The following DLG2 variants were observed in gnomAD, a reference collection of about 807,000 sequenced individuals.
The protein encoded by DLG2 is disks large homolog 2.
DLG2 carries 45 observed loss-of-function variants against 132.5 expected under a neutral mutation model. The observed-to-expected ratio is 0.34, with a 90% CI of 0.27 to 0.44. The LOEUF (loss-of-function observed/expected upper bound fraction) is 0.44. DLG2 is among the 20% of genes least tolerant of loss of function. The pLI is 1.00. For synonymous variants in DLG2, 424 were observed against 419.6 expected, an observed-to-expected ratio of 1.01 and a Z score of -0.13; for missense variants, 1,045 against 1,196.9, an observed-to-expected ratio of 0.87 and a Z score of 1.87.
At chr11:84,456,688 G>T (rs1480404669) in intron 7 of DLG2, among the ~76,000 whole-genome samples, 1 of 151,192 alleles carries the variant, frequency 6.6e-6, no homozygotes, top group Non-Finnish European at 1.5e-5. Flanking sequence ...TGTTCCTTTG[G>T]ATGTGCTCTT....
At chr11:84,373,641 A>C (rs1241774356) in intron 7 of DLG2, among the ~76,000 whole-genome samples, 1 of 152,104 alleles carries the variant, frequency 6.6e-6, no homozygotes, top group Non-Finnish European at 1.5e-5. Context: ...TGACTAGTGA[A>C]GGAGGAAACT....
At chr11:84,946,658 T>C (rs997694632) in intron 6 of DLG2, among the ~76,000 whole-genome samples, 1 of 152,056 alleles carries the variant, frequency 6.6e-6, no homozygotes, top group African/African-American at 2.4e-5. Flanking sequence ...TATAGAGCTG[T>C]TTGCTTATGC....
At chr11:84,739,354 A>T (rs2064284158) in intron 6 of DLG2, among the ~76,000 whole-genome samples, 1 of 152,078 alleles carries the variant, frequency 6.6e-6, no homozygotes, top group Non-Finnish European at 1.5e-5. Flanking sequence ...ATTTTTTCCT[A>T]AACAAGTGTT....
intron 6 of DLG2, among the ~76,000 whole-genome samples, chr11:85,082,300 A>G (rs1371246269): frequency 1.3e-5 from 2 of 152,148 alleles, no homozygotes; most frequent in Non-Finnish European, 2.9e-5. Context: ...GGCAATAACA[A>G]CAGACTTAGA....
At chr11:84,097,738 G>T (rs776114490) in intron 10 of DLG2, among the ~76,000 whole-genome samples, 3 of 152,006 alleles carry the variant, frequency 2.0e-5, no homozygotes, top group Non-Finnish European at 2.9e-5. Flanking sequence ...TATTGAGCCA[G>T]TTATACATAT....
At chr11:83,913,893 G>A (rs2076483143) in intron 15 of DLG2, among the ~76,000 whole-genome samples, 1 of 152,156 alleles carries the variant, frequency 6.6e-6, no homozygotes, top group Non-Finnish European at 1.5e-5. Context: ...TGCTCCACAT[G>A]GGCTACAGTG....
intron 16 of DLG2, among the ~76,000 whole-genome samples, chr11:83,847,605 C>G (rs2058864922): frequency 1.3e-5 from 2 of 152,116 alleles, no homozygotes; most frequent in Non-Finnish European, 2.9e-5. Flanking sequence ...GCCTGAGTGT[C>G]CTTGAAAACA....
At chr11:84,509,462 C>T (rs1297208128) in intron 7 of DLG2, among the ~76,000 whole-genome samples, 2 of 152,100 alleles carry the variant, frequency 1.3e-5, no homozygotes, top group Non-Finnish European at 2.9e-5. Context: ...GAATGTTCAG[C>T]TGAAGCAATT....
intron 6 of DLG2, among the ~76,000 whole-genome samples, chr11:85,104,625 A>G (rs1300524265): frequency 6.6e-6 from 1 of 151,862 alleles, no homozygotes; most frequent in Non-Finnish European, 1.5e-5. Context: ...AAATGTCCCA[A>G]AATTGATTGG....
At chr11:84,502,166 C>CTT (rs1555630683) in intron 7 of DLG2, among the ~76,000 whole-genome samples, 1 of 50,446 alleles carries the variant, frequency 2.0e-5, no homozygotes. Context: ...TCCTTTCTCT[C>CTT]TCTCTCTCTT....
chr11:84,382,819 C>T (rs181634623), intron 7 of DLG2, among the ~76,000 whole-genome samples: 94 of 151,708 alleles, frequency 6.2e-4, no homozygotes, highest in Middle Eastern at 3.4e-3. Flanking sequence ...TAATTGATAC[C>T]ATATTAGTTG....
intron 9 of DLG2, among the ~76,000 whole-genome samples, chr11:84,128,245 C>T (rs2154213190): frequency 6.6e-6 from 1 of 152,178 alleles, no homozygotes; most frequent in East Asian, 1.9e-4. Context: ...CTTTTGTAAC[C>T]AATACACTTA....
At chr11:84,052,502 GA>G (rs1267299525) in intron 11 of DLG2, among the ~76,000 whole-genome samples, 9 of 150,280 alleles carry the variant, frequency 6.0e-5, no homozygotes, top group African/African-American at 2.0e-4. Flanking sequence ...AAATTTACAA[GA>G]AAAAAAACAA....
intron 7 of DLG2, among the ~76,000 whole-genome samples, chr11:84,320,682 G>A (rs187014206): frequency 2.8e-3 from 431 of 152,240 alleles, no homozygotes; most frequent in Non-Finnish European, 4.9e-3. Context: ...AACTAATTTA[G>A]TCATAACTTT....
chr11:83,727,519 G>A (rs893823277), intron 18 of DLG2, among the ~76,000 whole-genome samples: 1 of 152,196 alleles, frequency 6.6e-6, no homozygotes, highest in Non-Finnish European at 1.5e-5. Context: ...GCCTGGAAGA[G>A]TCATTATTAC....
At chr11:83,486,171 C>CCTTAAAAGAATACTAAATATT (rs2093488036) in intron 21 of DLG2, 4 of 648,684 alleles carry the variant, frequency 6.2e-6, no homozygotes, top group Non-Finnish European at 1.1e-5. Flanking sequence ...AAATGATAGT[C>CCTTAAAAGAATACTAAATATT]CTTAAAAGAA....
chr11:85,102,113 C>A (rs1362984230), intron 6 of DLG2, among the ~76,000 whole-genome samples: 1 of 151,900 alleles, frequency 6.6e-6, no homozygotes, highest in Non-Finnish European at 1.5e-5. Context: ...TAAAAAAAAG[C>A]CTCTTCTAAA....
intron 6 of DLG2, among the ~76,000 whole-genome samples, chr11:84,619,797 A>G (rs1434364162): frequency 6.6e-6 from 1 of 151,740 alleles, no homozygotes; most frequent in Non-Finnish European, 1.5e-5. Flanking sequence ...AATTGTATTG[A>G]AAGACATTAA....
At chr11:85,200,808 C>A (rs547230168) in intron 4 of DLG2, among the ~76,000 whole-genome samples, 1 of 152,312 alleles carries the variant, frequency 6.6e-6, no homozygotes, top group African/African-American at 2.4e-5. Flanking sequence ...AGCTCCAGCC[C>A]CAGTCTGCTG....
Sources: allele counts gnomAD v4.1 joint callset (sites outside exome capture counted in the v4.1 genomes callset), GRCh38; gene constraint gnomAD v4.1.1; transcripts MANE v1.5; gene names NCBI Gene and HGNC (gene_info 2026-07-23, HGNC 2026-07-21).